The following SEL1L variants were observed in gnomAD, a reference collection of about 807,000 sequenced individuals.
The protein encoded by SEL1L is SEL1L adaptor subunit of SYVN1 ubiquitin ligase.
SEL1L carries 52 observed loss-of-function variants against 109.8 expected under a neutral mutation model. The observed-to-expected ratio is 0.47, with a 90% CI of 0.38 to 0.60. The LOEUF (loss-of-function observed/expected upper bound fraction) is 0.60. Among genes scored for constraint, SEL1L ranks in the 20% least tolerant of loss-of-function variants. The probability of loss-of-function intolerance (pLI) is 0.00; values close to 1 mark genes in which losing one functional copy is unlikely to be tolerated. For synonymous variants in SEL1L, 373 were observed against 339.6 expected, an observed-to-expected ratio of 1.10 and a Z score of -1.08; for missense variants, 749 against 962.2, an observed-to-expected ratio of 0.78 and a Z score of 2.93.
chr14:81,503,028 T>G (rs1372038150), intron 5 of SEL1L, 145 bp from the exon 6 acceptor site: 1 of 676,870 alleles, frequency 1.5e-6, no homozygotes, highest in East Asian at 2.9e-5. Context: ...GTTTCACTCT[T>G]GTTGTCCCGG....
intron 3 of SEL1L, among the ~76,000 whole-genome samples, chr14:81,519,930 G>T (rs1289837515): frequency 6.6e-6 from 1 of 152,124 alleles, no homozygotes; most frequent in African/African-American, 2.4e-5. Flanking sequence ...TTAGGGAAGG[G>T]GTACACTGAA....
intron 1 of SEL1L, among the ~76,000 whole-genome samples, chr14:81,529,773 T>C (rs1393019784): frequency 6.6e-6 from 1 of 152,228 alleles, no homozygotes; most frequent in East Asian, 1.9e-4. Flanking sequence ...AAGCATAAGC[T>C]ATTTTCTTTT....
chr14:81,486,417 T>C lies in SEL1L; in HGVS notation c.1670A>G (p.Glu557Gly). 6.2e-7 allele frequency: 1 copy of C among 1,614,158 alleles called. No homozygotes were observed. The highest frequency in any genetic ancestry group is 8.5e-7 in the Non-Finnish European group (1 of 1,180,006). Reference protein sequence around the residue: ...KNVCERGRWSERLMTAYNSYK... With the variant: ...KNVCERGRWSGRLMTAYNSYK... ...GCTGTTATAGGCAGTCATAAGCCTT[T>C]CAGACCAACGGCCTCGTTCACATAC... Residue 557 changes from glutamate (E) to glycine (G), a missense_variant, in exon 17 of 21, where the codon GAA becomes GGA. Glu to Gly is a moderately conservative substitution (Grantham distance 98). This residue lies in a region of SEL1L where 383 missense variants were observed against 562.5 expected (regional missense o/e 0.68). Transcript: ENST00000336735.
chr14:81,481,338 T>C (rs1001921725), intron 19 of SEL1L, among the ~76,000 whole-genome samples: 1 of 152,234 alleles, frequency 6.6e-6, no homozygotes, highest in African/African-American at 2.4e-5. Context: ...TCCAAACATA[T>C]TTAAATACAA....
rs1883451359 is a variant in SEL1L, at chr14:81,489,240, C to T, written c.1395+12G>A. The stretch of plus-strand genomic sequence containing the variant: ...TGCTCATTAAAGAGAGAATGTCAGA[C>T]TGAACACTTACAACTTGAACTCCTC... On this transcript the variant is annotated intron_variant, in intron 14 of 20. Transcript: ENST00000336735. The T allele has an allele frequency of 6.2e-7, 1 of 1,611,666 alleles. No homozygotes were observed. The highest frequency in any genetic ancestry group is 8.5e-7 in the Non-Finnish European group (1 of 1,177,880).
In SEL1L at chr14:81,476,910, G is replaced by T; in HGVS notation, c.*62C>A. On this transcript the variant is annotated 3_prime_UTR_variant, in exon 21 of 21. Transcript: ENST00000336735. ...ACTGATCCAAGGTCCTAAATCAAAT[G>T]CAAGTGTTCCCAGCAGATAACTTCC... 5.8e-6 allele frequency: 9 copies of T among 1,546,236 alleles called. No individual in the cohort carries two copies. Among genetic ancestry groups the T allele is most frequent in the Non-Finnish European group, 8.0e-6 (9 of 1,128,482 alleles).
At chr14:81,507,310 T>C (rs1388558517) in intron 3 of SEL1L, among the ~76,000 whole-genome samples, 1 of 151,980 alleles carries the variant, frequency 6.6e-6, no homozygotes, top group Non-Finnish European at 1.5e-5. Flanking sequence ...AGTTTAAAGG[T>C]TGTTAACAGT....
chr14:81,490,992 C>G (rs1228579389), intron 12 of SEL1L, among the ~76,000 whole-genome samples: 1 of 152,206 alleles, frequency 6.6e-6, no homozygotes, highest in Non-Finnish European at 1.5e-5. Context: ...GTTGCCATCT[C>G]AAATTTATGA....
intron 9 of SEL1L, 86 bp from the exon 10 acceptor site, chr14:81,498,132 C>T (rs1042316886): frequency 9.7e-6 from 13 of 1,336,064 alleles, no homozygotes; most frequent in South Asian, 5.6e-5. Context: ...AGCTGCCAAA[C>T]GTTGACGAAC....
intron 3 of SEL1L, among the ~76,000 whole-genome samples, chr14:81,521,670 TA>T (rs1332992529): frequency 2.0e-5 from 3 of 152,216 alleles, no homozygotes; most frequent in Non-Finnish European, 4.4e-5. Flanking sequence ...TCCAGTTGTA[TA>T]AAAGTATAGT....
At chr14:81,494,600 GTCTC>G (rs1468219459) in intron 11 of SEL1L, among the ~76,000 whole-genome samples, 2 of 152,254 alleles carry the variant, frequency 1.3e-5, no homozygotes, top group Non-Finnish European at 2.9e-5. Flanking sequence ...ATTCCTTCCT[GTCTC>G]TGGGCCTATG....
intron 16 of SEL1L, 119 bp from the exon 17 acceptor site, chr14:81,486,573 C>T (rs1903526415): frequency 1.1e-6 from 1 of 881,638 alleles, no homozygotes; most frequent in Non-Finnish European, 1.7e-6. Flanking sequence ...TTTCTGGCAG[C>T]TTTCTTGAAC....
At chr14:81,506,044 C>A (rs1411744111) in intron 4 of SEL1L, 30 bp downstream of exon 4, 2 of 1,604,378 alleles carry the variant, frequency 1.2e-6, no homozygotes, top group South Asian at 2.2e-5. Flanking sequence ...TAAAGCAATG[C>A]AGATCTGCCT....
chr14:81,490,751 AT>A (rs1883510698), intron 12 of SEL1L, among the ~76,000 whole-genome samples: 1 of 152,208 alleles, frequency 6.6e-6, no homozygotes, highest in South Asian at 2.1e-4. Context: ...AAATACAAAA[AT>A]TAGCCAGGCG....
intron 1 of SEL1L, 119 bp downstream of exon 1, chr14:81,533,556 A>G (rs1378673787): frequency 1.1e-6 from 1 of 901,296 alleles, no homozygotes; most frequent in South Asian, 1.5e-5. Context: ...GTGACAGCCC[A>G]GTGCGAGATG....
chr14:81,510,506 C>CTATATATATA (rs1185338964), intron 3 of SEL1L, among the ~76,000 whole-genome samples: 2 of 120,986 alleles, frequency 1.7e-5, no homozygotes, highest in African/African-American at 3.3e-5. Flanking sequence ...CTCTCTCTCT[C>CTATATATATA]TCTCTCTCTA....
In SEL1L at chr14:81,492,472, T is replaced by C; in HGVS notation, c.1254+8A>G. 1 of 1,604,206 alleles carries C rather than the reference T, an allele frequency of 6.2e-7. No individual in the cohort carries two copies. The highest frequency in any genetic ancestry group is 2.2e-5 in the East Asian group (1 of 44,804). On this transcript the variant is annotated splice_region_variant and intron_variant, in intron 12 of 20. Coordinates refer to ENST00000336735, the MANE Select transcript of SEL1L (RefSeq NM_005065.6). ...TATTACATAAAACATTCACAGGATG[T>C]ACAGTACCTTTCCCAAAAAGGCCAT...
chr14:81,510,559 A>T (rs1884439083), intron 3 of SEL1L, among the ~76,000 whole-genome samples: 1 of 151,092 alleles, frequency 6.6e-6, no homozygotes, highest in Non-Finnish European at 1.5e-5. Flanking sequence ...GAATATAAGC[A>T]CATCTTTTTC....
At chr14:81,512,318 T>C (rs759082820) in intron 3 of SEL1L, among the ~76,000 whole-genome samples, 46 of 152,252 alleles carry the variant, frequency 3.0e-4, no homozygotes, top group Non-Finnish European at 5.4e-4. Context: ...CTGTGACTAA[T>C]ACAGGATCAT....
Sources: gnomAD v4.1 joint callset for allele counts (sites outside exome capture counted in the v4.1 genomes callset) on GRCh38, gnomAD v4.1.1 for gene constraint, gnomAD v4.1.1 regional missense constraint, MANE v1.5 for transcripts, NCBI Gene and HGNC (gene_info 2026-07-23, HGNC 2026-07-21) for gene names.